The following PRKAG2 variants were observed in gnomAD, a reference collection of about 807,000 sequenced individuals.
PRKAG2 encodes the protein protein kinase AMP-activated non-catalytic subunit gamma 2.
In PRKAG2, 26 loss-of-function variants were observed where a neutral mutation model predicts 69.6. The observed-to-expected ratio is 0.37, with a 90% CI of 0.27 to 0.52. The LOEUF (loss-of-function observed/expected upper bound fraction) is 0.52. PRKAG2 is among the 20% of genes least tolerant of loss of function. The pLI is 0.90. For synonymous variants in PRKAG2, 293 were observed against 285.0 expected (o/e 1.03, Z -0.28); for missense variants, 557 against 740.0 (o/e 0.75, Z 2.87).
intron 3 of PRKAG2, among the ~76,000 whole-genome samples, chr7:151,751,925 A>G (rs1241726676): frequency 1.3e-5 from 2 of 152,198 alleles, no homozygotes; most frequent in African/African-American, 2.4e-5. Context: ...ATTTGCCACT[A>G]AAAGTGACAA....
intron 4 of PRKAG2, among the ~76,000 whole-genome samples, chr7:151,667,178 C>A (rs1105842): frequency 0.15 from 22,247 of 152,146 alleles, 1,930 homozygotes; most frequent in East Asian, 0.38. Context: ...TTAGCTGAGG[C>A]CTTTGTTGAG....
chr7:151,693,699 G>C (rs1194863450), intron 3 of PRKAG2, among the ~76,000 whole-genome samples: 1 of 152,172 alleles, frequency 6.6e-6, no homozygotes, highest in Non-Finnish European at 1.5e-5. Flanking sequence ...GGCCTTGGGA[G>C]GTGAGGAGGG....
chr7:151,712,465 T>C (rs919060874), intron 3 of PRKAG2, among the ~76,000 whole-genome samples: 11 of 152,196 alleles, frequency 7.2e-5, no homozygotes, highest in African/African-American at 1.9e-4. Flanking sequence ...GCAGGGGCCT[T>C]GCTCTGGCCC....
At position 151,804,060 on chromosome 7, in the gene PRKAG2, C is replaced by T. The variant is rs552227422; in HGVS notation, c.115-17519G>A. Among the ~76,000 whole-genome samples, 9 of 152,178 alleles carry T rather than the reference C, an allele frequency of 5.9e-5. 2 individuals carry two copies. Among genetic ancestry groups the T allele is most frequent in the African/African-American group, 1.9e-4 (8 of 41,512 alleles). On this transcript the variant is annotated intron_variant, in intron 1 of 15. Transcript: ENST00000287878. ...TCCCCAGAGGAACCACTTTTAGTTGCGTAGACAGCTAGGGTTGCTTTATGC... is the reference window on the plus strand; with the variant it reads ...TCCCCAGAGGAACCACTTTTAGTTGTGTAGACAGCTAGGGTTGCTTTATGC...
intron 3 of PRKAG2, among the ~76,000 whole-genome samples, chr7:151,683,651 G>T (rs1018042330): frequency 6.6e-6 from 1 of 152,206 alleles, no homozygotes; most frequent in African/African-American, 2.4e-5. Context: ...TCATCAGAGT[G>T]AGGGGCCAGG....
intron 10 of PRKAG2, 83 bp from the exon 11 acceptor site, chr7:151,568,925 C>T: frequency 6.8e-7 from 1 of 1,468,938 alleles, no homozygotes. Context: ...TAAAGCACTT[C>T]CAGTGTTTTT....
intron 5 of PRKAG2, among the ~76,000 whole-genome samples, chr7:151,602,116 C>T (rs574601311): frequency 2.6e-5 from 4 of 152,244 alleles, no homozygotes; most frequent in Non-Finnish European, 5.9e-5. Context: ...TGACGCTCCT[C>T]GCGCAGCCGC....
chr7:151,764,813 G>A (rs79043343), intron 3 of PRKAG2, among the ~76,000 whole-genome samples: 2,087 of 152,352 alleles, frequency 0.014, 59 homozygotes, highest in African/African-American at 0.047. Context: ...AAGGCCTCAA[G>A]GTTGTAGAGA....
intron 1 of PRKAG2, among the ~76,000 whole-genome samples, chr7:151,821,039 C>CA (rs2078760017): frequency 4.8e-5 from 4 of 83,266 alleles, no homozygotes; most frequent in African/African-American, 9.5e-5. Context: ...ACCTCAGTCC[C>CA]GGCCAGAAGG....
At position 151,566,113 on chromosome 7, in the gene PRKAG2, G is replaced by C. The variant is rs139261798; in HGVS notation, c.1234-228C>G. Among the ~76,000 whole-genome samples the C allele has an allele frequency of 4.5e-3, 688 of 152,312 alleles. 4 individuals are homozygous for C. Among genetic ancestry groups the C allele is most frequent in the Middle Eastern group, 0.031 (9 of 294 alleles). ...TTAACTATTCACAAACTATTGCAGA[G>C]CATTGATACTGTAATCTTTTTCCAT... On this transcript the variant is annotated intron_variant, in intron 11 of 15. Transcript: ENST00000287878.
rs1444049382 is a variant in PRKAG2 at position 151,814,583 on chromosome 7, C to T, written c.115-28042G>A. The T allele has an allele frequency of 4.1e-6, 5 of 1,231,794 alleles. No individual in the cohort carries two copies. The African/African-American group carries it at 7.7e-5, about 19-fold the overall frequency. 76.3% of individuals were successfully genotyped at this position (1,231,794 alleles called of 1,614,324 possible). ...GTCCATCAGAGAAGGGGTTTCCCAG[C>T]CCCTTCAGCACAGGCAATTTCTAGG... On this transcript the variant is annotated intron_variant, in intron 1 of 15. Coordinates refer to ENST00000287878, the MANE Select transcript of PRKAG2 (RefSeq NM_016203.4). The surrounding 1 kb of genome is among the most constrained non-coding windows in gnomAD (Gnocchi z 4.8).
chr7:151,621,402 G>T (rs1821444254), intron 5 of PRKAG2, among the ~76,000 whole-genome samples: 1 of 152,254 alleles, frequency 6.6e-6, no homozygotes, highest in South Asian at 2.1e-4. Context: ...CTTTGTTGGG[G>T]CTGGGTGCAA....
chr7:151,606,175 G>A lies in PRKAG2; in HGVS notation c.755-10721C>T, dbSNP rs187426138. Among the ~76,000 whole-genome samples, 644 of 152,264 alleles carry A rather than the reference G, an allele frequency of 4.2e-3. 5 individuals are homozygous for A. The highest frequency in any genetic ancestry group is 0.014 in the African/African-American group (591 of 41,552). ...TTCCCAAACTTCTGGGATTACAGGC[G>A]TGAGCCACCTACAAATTATAATAAA... On this transcript the variant is annotated intron_variant, in intron 5 of 15. Transcript: ENST00000287878.
At chr7:151,736,523 C>A (rs545935913) in intron 3 of PRKAG2, 22 of 572,836 alleles carry the variant, frequency 3.8e-5, no homozygotes, top group Non-Finnish European at 4.2e-5. Context: ...CCACCCTGGG[C>A]AGACAATTCT....
At chr7:151,601,138 G>T (rs1033195673) in intron 5 of PRKAG2, among the ~76,000 whole-genome samples, 12 of 152,094 alleles carry the variant, frequency 7.9e-5, no homozygotes, top group Admixed American at 7.9e-4. Context: ...ACCCACAGGG[G>T]GACACAATGA....
intron 4 of PRKAG2, among the ~76,000 whole-genome samples, chr7:151,669,850 A>C (rs1405313917): frequency 6.6e-6 from 1 of 151,174 alleles, no homozygotes; most frequent in African/African-American, 2.4e-5. Flanking sequence ...ACCTGTGCAC[A>C]CACCTGCATG....
intron 1 of PRKAG2, among the ~76,000 whole-genome samples, chr7:151,819,629 A>C (rs2078722443): frequency 6.6e-6 from 1 of 152,176 alleles, no homozygotes; most frequent in African/African-American, 2.4e-5. Flanking sequence ...TCCTGATTTT[A>C]ATGGAGTCTA....
intron 3 of PRKAG2, among the ~76,000 whole-genome samples, chr7:151,703,845 AACACACACACACACACACAC>A (rs535818189): frequency 0.036 from 3,143 of 88,534 alleles, 72 homozygotes; most frequent in African/African-American, 0.049. Context: ...TTTACTGGAA[AACACACACACACACACACAC>A]ACACACACAC....
intron 4 of PRKAG2, among the ~76,000 whole-genome samples, chr7:151,669,105 CACTT>C (rs1016831722): frequency 5.3e-5 from 8 of 152,128 alleles, no homozygotes; most frequent in African/African-American, 1.7e-4. Context: ...ACGGGAATGA[CACTT>C]TCTTTTCTCT....
Sources: gnomAD v4.1 joint callset for allele counts (sites outside exome capture counted in the v4.1 genomes callset) on GRCh38, gnomAD v4.1.1 for gene constraint, Gnocchi (gnomAD v3.1) non-coding constraint, MANE v1.5 for transcripts, NCBI Gene and HGNC (gene_info 2026-07-23, HGNC 2026-07-21) for gene names.